Variants in SEL1L2 observed in about 807,000 individuals in gnomAD.
The protein encoded by SEL1L2 is protein sel-1 homolog 2.
Under a neutral mutation model 98.8 loss-of-function variants are expected in SEL1L2, and 89 were observed. That is an observed-to-expected ratio of 0.90 (90% confidence interval 0.76 to 1.07). SEL1L2 has a LOEUF of 1.07. Among genes scored for constraint, SEL1L2 ranks in the 50% least tolerant of loss-of-function variants. The probability of loss-of-function intolerance (pLI) is 0.00; values close to 1 mark genes in which losing one functional copy is unlikely to be tolerated. For missense variants in SEL1L2, 788 were observed against 812.0 expected (o/e 0.97, Z 0.36); for synonymous variants, 262 against 278.5 (o/e 0.94, Z 0.59).
At chr20:13,894,649 A>G (rs1356269753) in intron 5 of SEL1L2, among the ~76,000 whole-genome samples, 1 of 152,238 alleles carries the variant, frequency 6.6e-6, no homozygotes, top group Non-Finnish European at 1.5e-5. Flanking sequence ...AACAAAATTC[A>G]GAAGTGAAAG....
rs182475539 is a variant in SEL1L2 at position 13,983,437 on chromosome 20, A to G, written c.58+7040T>C. ...AGAAATAGGGTAGAGGGGCAGAGAG[A>G]GGGAAAAAAAGTGAGGTTAAGGGCT... is the stretch of plus-strand genomic sequence containing the variant. On this transcript the variant is annotated intron_variant, in intron 1 of 19. Coordinates refer to ENST00000284951, the MANE Select transcript of SEL1L2 (RefSeq NM_025229.2). Among the ~76,000 whole-genome samples the G allele has an allele frequency of 4.0e-3, 607 of 152,250 alleles. 4 individuals are homozygous for G. Among genetic ancestry groups the G allele is most frequent in the African/African-American group, 0.014 (567 of 41,548 alleles).
intron 12 of SEL1L2, among the ~76,000 whole-genome samples, chr20:13,871,927 T>G (rs938531999): frequency 6.6e-6 from 1 of 152,150 alleles, no homozygotes; most frequent in African/African-American, 2.4e-5. Flanking sequence ...CCACCTACAT[T>G]TAGTTATTGT....
intron 1 of SEL1L2, among the ~76,000 whole-genome samples, chr20:13,974,689 G>A (rs1016171210): frequency 4.0e-5 from 6 of 151,830 alleles, no homozygotes; most frequent in Non-Finnish European, 7.4e-5. Context: ...ATGTTGGCCA[G>A]GCTCCCGACC....
intron 2 of SEL1L2, among the ~76,000 whole-genome samples, chr20:13,947,691 A>G (rs997169632): frequency 6.6e-6 from 1 of 152,244 alleles, no homozygotes; most frequent in African/African-American, 2.4e-5. Flanking sequence ...GGACTCCCTG[A>G]GCCAGGGCTG....
chr20:13,919,244 C>T (rs1018312955), intron 3 of SEL1L2, 121 bp from the exon 4 acceptor site: 5 of 613,824 alleles, frequency 8.1e-6, no homozygotes, highest in Non-Finnish European at 1.4e-5. Flanking sequence ...TTTTAAACCT[C>T]TGCATTCAAG....
intron 4 of SEL1L2, among the ~76,000 whole-genome samples, chr20:13,915,566 G>A (rs2048369329): frequency 6.6e-6 from 1 of 152,176 alleles, no homozygotes; most frequent in Admixed American, 6.5e-5. Context: ...ATAGGCTGCA[G>A]GGGCCTCCAA....
At chr20:13,938,650 C>A (rs934488644) in intron 2 of SEL1L2, among the ~76,000 whole-genome samples, 1 of 152,100 alleles carries the variant, frequency 6.6e-6, no homozygotes, top group Admixed American at 6.5e-5. Context: ...ATCGTATTTT[C>A]TGTTTACCAT....
intron 3 of SEL1L2, among the ~76,000 whole-genome samples, chr20:13,921,371 C>T (rs1397047463): frequency 6.6e-6 from 1 of 152,138 alleles, no homozygotes; most frequent in Non-Finnish European, 1.5e-5. Flanking sequence ...GTGGTTTCAC[C>T]ATGCTGGCCT....
At chr20:13,887,473 C>T (rs1255847073) in intron 8 of SEL1L2, among the ~76,000 whole-genome samples, 3 of 152,156 alleles carry the variant, frequency 2.0e-5, no homozygotes, top group East Asian at 3.9e-4. Context: ...TAATATTTAT[C>T]GGTGCTACAT....
intron 3 of SEL1L2, among the ~76,000 whole-genome samples, chr20:13,931,244 G>A (rs1192586988): frequency 6.6e-6 from 1 of 151,364 alleles, no homozygotes; most frequent in African/African-American, 2.4e-5. Context: ...GGGTTTCACT[G>A]TGGTCTCGAT....
intron 18 of SEL1L2, among the ~76,000 whole-genome samples, chr20:13,857,005 A>G (rs1212692212): frequency 6.6e-6 from 1 of 152,202 alleles, no homozygotes; most frequent in Non-Finnish European, 1.5e-5. Flanking sequence ...AATTATCAGG[A>G]TATTCATTTT....
At position 13,886,434 on chromosome 20, in the gene SEL1L2, T is replaced by C. The variant is rs777388917; in HGVS notation, c.754A>G (p.Thr252Ala). 4 of 1,613,238 alleles carry C rather than the reference T, an allele frequency of 2.5e-6. No individual in the cohort carries two copies. Among genetic ancestry groups the C allele is most frequent in the Non-Finnish European group, 3.4e-6 (4 of 1,179,798 alleles). Residue 252 changes from threonine (T) to alanine (A), a missense_variant, in exon 9 of 20, where the codon ACA (threonine) becomes GCA (alanine). Thr to Ala is a moderately conservative substitution (Grantham distance 58). Coordinates refer to ENST00000284951, the MANE Select transcript of SEL1L2 (RefSeq NM_025229.2). ...GGAACACCTTCACTTTTTTCAAATG[T>C]GTCAGCAACTGTGAATAAAAACAAG... ...YKKVADYIADTFEKSEGVPVE... is the reference protein window; with the variant it reads ...YKKVADYIADAFEKSEGVPVE...
At chr20:13,995,085 G>A (rs1002086682), upstream of SEL1L2, 1 of 153,432 alleles carries the variant, frequency 6.5e-6, no homozygotes, top group African/African-American at 2.4e-5. This position sits in a 1 kb window ranked among gnomAD's most constrained non-coding sequence, Gnocchi z 4.3. Flanking sequence ...GTTGACCCTC[G>A]GTCTCCTCCC....
chr20:13,966,770 T>C (rs1416793877), intron 1 of SEL1L2, among the ~76,000 whole-genome samples: 2 of 152,176 alleles, frequency 1.3e-5, no homozygotes, highest in African/African-American at 4.8e-5. Context: ...GGAGTAAGTG[T>C]GAAGACAGAA....
Position 13,888,442 on chromosome 20 carries a change from A to G in SEL1L2, c.603+17T>C. 2 of 1,500,872 alleles carry G rather than the reference A, an allele frequency of 1.3e-6. No homozygotes were observed. The highest frequency in any genetic ancestry group is 9.2e-7 in the Non-Finnish European group (1 of 1,090,104). 93.0% of individuals were successfully genotyped at this position (1,500,872 alleles called of 1,614,324 possible). A position where few individuals can be genotyped will look rare whatever the true frequency, so the allele number is the denominator to read the frequency against. ...AGAAATCAATTTTGTTCCAGAATAA[A>G]ACAGAATGATCTTTACCTTAGCTTG... On this transcript the variant is annotated intron_variant, in intron 6 of 19. Coordinates refer to ENST00000284951, the MANE Select transcript of SEL1L2 (RefSeq NM_025229.2).
chr20:13,855,689 C>A (rs1989043125), intron 18 of SEL1L2, among the ~76,000 whole-genome samples: 1 of 152,172 alleles, frequency 6.6e-6, no homozygotes, highest in South Asian at 2.1e-4. Flanking sequence ...TCCCCTAAAG[C>A]CTTTGTATCT....
intron 5 of SEL1L2, among the ~76,000 whole-genome samples, chr20:13,908,651 T>G (rs1049235346): frequency 6.6e-6 from 1 of 152,234 alleles, no homozygotes; most frequent in Non-Finnish European, 1.5e-5. Context: ...TATGATTGTT[T>G]GAAATTTCCT....
At chr20:13,909,077 A>ATG (rs2048106206) in intron 5 of SEL1L2, among the ~76,000 whole-genome samples, 2 of 152,056 alleles carry the variant, frequency 1.3e-5, no homozygotes, top group Non-Finnish European at 2.9e-5. Flanking sequence ...GAGATAGTAG[A>ATG]TGTCTTCATT....
At position 13,877,589 on chromosome 20, in the gene SEL1L2, C is replaced by T; in HGVS notation, c.958-1G>A. On this transcript the variant is annotated splice_acceptor_variant, in intron 10 of 19. Coordinates refer to ENST00000284951, the MANE Select transcript of SEL1L2 (RefSeq NM_025229.2). LOFTEE classifies it high-confidence loss of function. The stretch of plus-strand genomic sequence containing the variant: ...CCTTTAAGAAGTAGTGTAATGCTTT[C>T]TGGAGAGAAAAGGAACAGTGTTATT... 1 of 1,611,956 alleles carries T rather than the reference C, an allele frequency of 6.2e-7. No individual in the cohort carries two copies. The highest frequency in any genetic ancestry group is 1.3e-5 in the African/African-American group (1 of 75,002).
Sources: gnomAD v4.1 joint callset for allele counts (sites outside exome capture counted in the v4.1 genomes callset) on GRCh38, gnomAD v4.1.1 for gene constraint, Gnocchi (gnomAD v3.1) non-coding constraint, MANE v1.5 for transcripts, NCBI Gene and HGNC (gene_info 2026-07-23, HGNC 2026-07-21) for gene names.